Variants in ANKS1B observed in about 807,000 individuals in gnomAD.
ANKS1B encodes the protein ankyrin repeat and sterile alpha motif domain containing 1B.
Under a neutral mutation model 148.3 loss-of-function variants are expected in ANKS1B, and 36 were observed. The ratio of observed to expected loss-of-function variants is 0.24; its 90% CI spans 0.19 to 0.32. The LOEUF is 0.32. Among genes scored for constraint, ANKS1B ranks in the 10% least tolerant of loss-of-function variants. ANKS1B has a pLI of 1.00. For missense variants in ANKS1B, 1,157 were observed against 1,542.6 expected, an observed-to-expected ratio of 0.75 and a Z score of 4.19; for synonymous variants, 542 against 560.8, an observed-to-expected ratio of 0.97 and a Z score of 0.47.
intron 9 of ANKS1B, among the ~76,000 whole-genome samples, chr12:98,737,090 AAG>A (rs1220422388): frequency 6.6e-6 from 1 of 152,162 alleles, no homozygotes; most frequent in Non-Finnish European, 1.5e-5. Context: ...TGCCTGCACT[AAG>A]AGACCGCTCA....
intron 9 of ANKS1B, among the ~76,000 whole-genome samples, chr12:99,525,922 A>G (rs1262318342): frequency 1.3e-5 from 2 of 152,086 alleles, no homozygotes; most frequent in South Asian, 2.1e-4. Flanking sequence ...TTTGACAAAT[A>G]TAACAAAGGG....
chr12:98,761,580 A>T (rs2098406950), intron 25 of ANKS1B, among the ~76,000 whole-genome samples: 1 of 151,996 alleles, frequency 6.6e-6, no homozygotes, highest in South Asian at 2.1e-4. Context: ...TTTAGCCTAT[A>T]TTTTCCCTAA....
At chr12:98,862,564 A>C (rs879175766) in intron 17 of ANKS1B, among the ~76,000 whole-genome samples, 1 of 152,212 alleles carries the variant, frequency 6.6e-6, no homozygotes, top group Non-Finnish European at 1.5e-5. Flanking sequence ...GAGAATATGA[A>C]ATTTCATCAA....
chr12:98,847,096 T>A lies in ANKS1B; in HGVS notation c.2779-14960A>T, dbSNP rs73380463. ...TTTCCTCCAGCTCCTTTCATTATTA[T>A]TATCATCATTTTTGTGTGTGTGGTA... On this transcript the variant is annotated intron_variant, in intron 17 of 26. Transcript: ENST00000683438. Among the ~76,000 whole-genome samples, 543 of 152,342 alleles carry A rather than the reference T, an allele frequency of 3.6e-3. 3 individuals carry two copies. Among genetic ancestry groups the A allele is most frequent in the African/African-American group, 0.013 (532 of 41,582 alleles).
At chr12:99,326,250 T>C (rs1291617856) in intron 12 of ANKS1B, among the ~76,000 whole-genome samples, 1 of 152,072 alleles carries the variant, frequency 6.6e-6, no homozygotes, top group Non-Finnish European at 1.5e-5. Flanking sequence ...AACAGGTTTT[T>C]GGGATACTCA....
chr12:99,249,616 A>G (rs576384825), intron 12 of ANKS1B, among the ~76,000 whole-genome samples: 1 of 152,168 alleles, frequency 6.6e-6, no homozygotes, highest in East Asian at 1.9e-4. Context: ...AGAAAAGGAG[A>G]AGTTGATATG....
chr12:99,369,791 T>TAGATAGACAGACGGAC (rs879173702), intron 12 of ANKS1B, among the ~76,000 whole-genome samples: 47 of 148,770 alleles, frequency 3.2e-4, no homozygotes, highest in African/African-American at 1.1e-3. Flanking sequence ...GATAGATAGA[T>TAGATAGACAGACGGAC]GGACGGACGG....
intron 12 of ANKS1B, among the ~76,000 whole-genome samples, chr12:99,250,583 A>C (rs2074452928): frequency 6.6e-6 from 1 of 152,244 alleles, no homozygotes; most frequent in African/African-American, 2.4e-5. Flanking sequence ...CCACCGATGC[A>C]TCAGCAAGCA....
intron 12 of ANKS1B, among the ~76,000 whole-genome samples, chr12:99,274,033 T>C (rs186225042): frequency 1.9e-3 from 293 of 152,264 alleles, no homozygotes; most frequent in African/African-American, 6.3e-3. Context: ...AACCCTTATT[T>C]TTTAGGGCGG....
At position 99,897,714 on chromosome 12, in the gene ANKS1B, C is replaced by T. The variant is rs189919293; in HGVS notation, c.135-72325G>A. On this transcript the variant is annotated intron_variant, in intron 1 of 26. Transcript: ENST00000683438. The stretch of plus-strand genomic sequence containing the variant: ...ACCATACTAGTGCTTAGAACAAGGA[C>T]GGGGAGCCATTTTGGCTATAAAGTT... 6.9e-4 allele frequency among the ~76,000 whole-genome samples: 104 copies of T among 150,864 alleles called. 1 individual carries two copies. In the East Asian group the frequency reaches 0.014, roughly 20 times the overall value.
At chr12:99,487,493 A>G (rs957641082) in intron 10 of ANKS1B, among the ~76,000 whole-genome samples, 2 of 152,118 alleles carry the variant, frequency 1.3e-5, no homozygotes, top group African/African-American at 4.8e-5. Context: ...AGTGGGAACA[A>G]TTGGGTCAGG....
intron 9 of ANKS1B, among the ~76,000 whole-genome samples, chr12:98,736,110 G>A (rs1295126807): frequency 6.6e-6 from 1 of 152,168 alleles, no homozygotes; most frequent in Non-Finnish European, 1.5e-5. Context: ...TGCCTCTTAG[G>A]CCACAGTAAG....
intron 9 of ANKS1B, among the ~76,000 whole-genome samples, chr12:99,646,963 T>C (rs2098375600): frequency 6.7e-6 from 1 of 149,222 alleles, no homozygotes; most frequent in African/African-American, 2.5e-5. Context: ...AGTCAAAACA[T>C]AAAATTTATC....
intron 8 of ANKS1B, among the ~76,000 whole-genome samples, chr12:99,693,539 G>A (rs1487922786): frequency 6.6e-6 from 1 of 152,064 alleles, no homozygotes; most frequent in Non-Finnish European, 1.5e-5. Context: ...AAAGTACATT[G>A]GTATCCAGCA....
intron 17 of ANKS1B, among the ~76,000 whole-genome samples, chr12:98,944,351 C>T (rs2099841933): frequency 6.6e-6 from 1 of 150,732 alleles, no homozygotes; most frequent in African/African-American, 2.4e-5. Flanking sequence ...ACATGACACG[C>T]TGGCTCCTTT....
intron 12 of ANKS1B, among the ~76,000 whole-genome samples, chr12:99,264,572 C>T (rs548053975): frequency 5.9e-5 from 9 of 152,090 alleles, no homozygotes; most frequent in African/African-American, 9.7e-5. Context: ...ATCCATTTGA[C>T]GTTAGCATTT....
At chr12:99,121,337 G>GTGTGTGTGTGTGTT (rs2062816018) in intron 15 of ANKS1B, among the ~76,000 whole-genome samples, 1 of 151,078 alleles carries the variant, frequency 6.6e-6, no homozygotes, top group East Asian at 1.9e-4. Flanking sequence ...GTGTGTGTGT[G>GTGTGTGTGTGTGTT]TGTGTGTGTG....
At chr12:99,246,239 C>T (rs1338065137) in intron 13 of ANKS1B, 36 bp downstream of exon 13, 1 of 1,477,884 alleles carries the variant, frequency 6.8e-7, no homozygotes. Context: ...AACTGCAAAG[C>T]CTTATAGGAT....
intron 15 of ANKS1B, among the ~76,000 whole-genome samples, chr12:99,091,418 G>C (rs2053948925): frequency 6.6e-6 from 1 of 152,176 alleles, no homozygotes; most frequent in South Asian, 2.1e-4. Flanking sequence ...TAATTCACTT[G>C]AGATGTGTTC....
Sources: allele counts gnomAD v4.1 joint callset (sites outside exome capture counted in the v4.1 genomes callset), GRCh38; gene constraint gnomAD v4.1.1; transcripts MANE v1.5; gene names NCBI Gene and HGNC (gene_info 2026-07-23, HGNC 2026-07-21).